NEK1: variants seen among roughly 807,000 people sequenced by gnomAD.
The protein encoded by NEK1 is NIMA related kinase 1.
A neutral mutation model predicts 182.1 loss-of-function variants in NEK1; 137 were observed. The ratio of observed to expected loss-of-function variants is 0.75; its 90% CI spans 0.65 to 0.87. The LOEUF (loss-of-function observed/expected upper bound fraction) is 0.87. NEK1 is among the 40% of genes least tolerant of loss of function. The probability of loss-of-function intolerance (pLI) is 0.00; values close to 1 mark genes in which losing one functional copy is unlikely to be tolerated. For synonymous variants in NEK1, 513 were observed against 492.2 expected (o/e 1.04, Z -0.56); for missense variants, 1,391 against 1,494.4 (o/e 0.93, Z 1.14).
At chr4:169,591,229 TC>T (rs1250393037) in intron 5 of NEK1, among the ~76,000 whole-genome samples, 2 of 150,972 alleles carry the variant, frequency 1.3e-5, no homozygotes, top group African/African-American at 4.9e-5. Context: ...CACTTCAGCC[TC>T]AAACTCCTGG....
chr4:169,601,184 T>C (rs1019308720), intron 4 of NEK1, among the ~76,000 whole-genome samples: 1 of 152,224 alleles, frequency 6.6e-6, no homozygotes, highest in Non-Finnish European at 1.5e-5. Context: ...AAGAGACTTA[T>C]AGTAGACACA....
intron 26 of NEK1, among the ~76,000 whole-genome samples, chr4:169,464,774 C>CT (rs1197861124): frequency 6.6e-6 from 1 of 152,014 alleles, no homozygotes; most frequent in African/African-American, 2.4e-5. Flanking sequence ...AATAAACATA[C>CT]ATATGGATTA....
At chr4:169,483,067 T>A (rs114675178) in intron 23 of NEK1, among the ~76,000 whole-genome samples, 1 of 152,322 alleles carries the variant, frequency 6.6e-6, no homozygotes, top group African/African-American at 2.4e-5. Flanking sequence ...AATCTTGATT[T>A]CAGGTGACAG....
intron 5 of NEK1, among the ~76,000 whole-genome samples, chr4:169,591,269 C>T (rs1046905991): frequency 6.6e-6 from 1 of 151,892 alleles, no homozygotes; most frequent in Non-Finnish European, 1.5e-5. Flanking sequence ...CCTCAGCCTC[C>T]GAGGGACTAG....
intron 23 of NEK1, among the ~76,000 whole-genome samples, chr4:169,501,906 G>A (rs545045702): frequency 5.9e-5 from 9 of 151,616 alleles, no homozygotes; most frequent in South Asian, 4.2e-4. Flanking sequence ...AAATCAGAGC[G>A]GAATTAAATT....
At chr4:169,588,143 T>C (rs187657251) in intron 8 of NEK1, among the ~76,000 whole-genome samples, 6 of 152,220 alleles carry the variant, frequency 3.9e-5, no homozygotes, top group Admixed American at 6.5e-5. Flanking sequence ...TGATTAGAAA[T>C]ATGGGCTTGG....
At position 169,496,119 on chromosome 4, in the gene NEK1, G is replaced by A. The variant is rs370950419; in HGVS notation, c.2007+10918C>T. ...AGTTCTCCTTGAAGAGGTCCTTCACGTCCCTTGTAAGTTGGATTGCTAGGT... is the reference window on the plus strand; with the variant it reads ...AGTTCTCCTTGAAGAGGTCCTTCACATCCCTTGTAAGTTGGATTGCTAGGT... On this transcript the variant is annotated intron_variant, in intron 23 of 35. Transcript: ENST00000507142. 4.2e-4 allele frequency among the ~76,000 whole-genome samples: 64 copies of A among 152,162 alleles called. 1 individual carries two copies. Among genetic ancestry groups the A allele is most frequent in the East Asian group, 3.7e-3 (19 of 5,170 alleles).
At chr4:169,469,000 CTTCTT>C in intron 26 of NEK1, among the ~76,000 whole-genome samples, 1 of 151,758 alleles carries the variant, frequency 6.6e-6, no homozygotes, top group South Asian at 2.1e-4. Context: ...CTATTTGATT[CTTCTT>C]TTCTTCTTTA....
intron 19 of NEK1, among the ~76,000 whole-genome samples, chr4:169,536,615 A>C (rs1231253816): frequency 6.6e-6 from 1 of 152,174 alleles, no homozygotes; most frequent in Non-Finnish European, 1.5e-5. Flanking sequence ...TTTTCCAATA[A>C]ATCTTGGAAA....
At chr4:169,412,085 C>T (rs533932719) in intron 31 of NEK1, among the ~76,000 whole-genome samples, 6 of 152,250 alleles carry the variant, frequency 3.9e-5, no homozygotes, top group Admixed American at 2.0e-4. Flanking sequence ...GTCTGTTTTC[C>T]TCACTACTGT....
intron 27 of NEK1, among the ~76,000 whole-genome samples, chr4:169,458,634 G>A (rs1413741101): frequency 1.3e-5 from 2 of 151,786 alleles, no homozygotes; most frequent in South Asian, 4.2e-4. Flanking sequence ...GTTTGAGGTG[G>A]GAGGATCACA....
intron 27 of NEK1, among the ~76,000 whole-genome samples, chr4:169,458,628 G>C (rs1743353471): frequency 6.6e-6 from 1 of 151,990 alleles, no homozygotes; most frequent in Admixed American, 6.6e-5. Flanking sequence ...CTTGGGGTTT[G>C]AGGTGGGAGG....
At chr4:169,493,137 T>A (rs1750435316) in intron 23 of NEK1, among the ~76,000 whole-genome samples, 1 of 151,994 alleles carries the variant, frequency 6.6e-6, no homozygotes, top group Admixed American at 6.5e-5. Context: ...AAGCAAAAAC[T>A]ACAAAAAACA....
At chr4:169,482,481 CTTT>C (rs913643124) in intron 23 of NEK1, among the ~76,000 whole-genome samples, 1 of 141,780 alleles carries the variant, frequency 7.1e-6, no homozygotes, top group African/African-American at 2.6e-5. Context: ...TTCTTTCTTT[CTTT>C]TTTTTTTTTT....
At chr4:169,565,841 T>G (rs1285768313) in intron 12 of NEK1, among the ~76,000 whole-genome samples, 1 of 152,182 alleles carries the variant, frequency 6.6e-6, no homozygotes, top group Non-Finnish European at 1.5e-5. Flanking sequence ...GGAAAAAGGA[T>G]TTCCCTTGGG....
At chr4:169,552,677 G>A (rs1476199487) in intron 18 of NEK1, among the ~76,000 whole-genome samples, 1 of 152,070 alleles carries the variant, frequency 6.6e-6, no homozygotes, top group African/African-American at 2.4e-5. Context: ...TGACATGATT[G>A]TCTATGTAGA....
intron 5 of NEK1, among the ~76,000 whole-genome samples, chr4:169,593,700 T>G (rs545292701): frequency 6.6e-6 from 1 of 152,182 alleles, no homozygotes; most frequent in African/African-American, 2.4e-5. Flanking sequence ...TTTAAAATTG[T>G]AACCCTGGTC....
At chr4:169,573,261 A>G (rs1038910156) in intron 12 of NEK1, among the ~76,000 whole-genome samples, 5 of 152,214 alleles carry the variant, frequency 3.3e-5, no homozygotes, top group Admixed American at 3.3e-4. Flanking sequence ...TTTTCTTCCA[A>G]TTGCTTCTAT....
chr4:169,432,119 A>T (rs1737560392), intron 29 of NEK1, among the ~76,000 whole-genome samples: 2 of 152,204 alleles, frequency 1.3e-5, no homozygotes, highest in Non-Finnish European at 2.9e-5. Flanking sequence ...AAGGAAGTTC[A>T]AATGAAACTT....
Sources: gnomAD v4.1 joint callset for allele counts (sites outside exome capture counted in the v4.1 genomes callset) on GRCh38, gnomAD v4.1.1 for gene constraint, MANE v1.5 for transcripts, NCBI Gene and HGNC (gene_info 2026-07-23, HGNC 2026-07-21) for gene names.